The following DLC1 variants were observed in gnomAD, a reference collection of about 807,000 sequenced individuals.
The protein encoded by DLC1 is DLC1 Rho GTPase activating protein, also known as rho GTPase-activating protein 7.
A neutral mutation model predicts 140.3 loss-of-function variants in DLC1; 54 were observed. The observed-to-expected ratio is 0.38, with a 90% confidence interval of 0.31 to 0.48. The LOEUF (loss-of-function observed/expected upper bound fraction) is 0.48, where lower values mean the gene tolerates loss of function less well. DLC1 is among the 20% of genes least tolerant of loss of function. DLC1 has a pLI of 0.96. For synonymous variants in DLC1, 986 were observed against 728.1 expected (o/e 1.35, Z -5.70); for missense variants, 2,536 against 1,907.0 (o/e 1.33, Z -6.14).
intron 7 of DLC1, among the ~76,000 whole-genome samples, chr8:13,109,022 G>A (rs894538606): frequency 7.2e-5 from 11 of 152,152 alleles, no homozygotes; most frequent in Admixed American, 2.0e-4. Context: ...AAGTGACAGC[G>A]TTTCTGTGGT....
upstream of DLC1, among the ~76,000 whole-genome samples, chr8:13,517,955 A>G (rs1210839353): frequency 6.6e-6 from 1 of 152,096 alleles, no homozygotes; most frequent in African/African-American, 2.4e-5. Flanking sequence ...TCTTTCAGGT[A>G]TTTTTAGAAT....
intron 1 of DLC1, among the ~76,000 whole-genome samples, chr8:13,592,654 G>T (rs943976628): frequency 2.0e-5 from 3 of 152,142 alleles, no homozygotes; most frequent in Non-Finnish European, 4.4e-5. Flanking sequence ...GCCTGCCAAG[G>T]TTTCCCCAGT....
At chr8:13,488,638 C>G (rs1801086083) in intron 2 of DLC1, among the ~76,000 whole-genome samples, 1 of 152,172 alleles carries the variant, frequency 6.6e-6, no homozygotes, top group Non-Finnish European at 1.5e-5. Flanking sequence ...CTGACCTCCC[C>G]ATCTGGAAAG....
intron 4 of DLC1, among the ~76,000 whole-genome samples, chr8:13,317,560 TG>T (rs1832907961): frequency 6.6e-6 from 1 of 152,086 alleles, no homozygotes; most frequent in Non-Finnish European, 1.5e-5. Flanking sequence ...AGAGACGAAA[TG>T]GCTATGGTCA....
chr8:13,567,623 T>C, intron 1 of DLC1: 1 of 1,551,734 alleles, frequency 6.4e-7, no homozygotes. Flanking sequence ...GAGCTGGCCC[T>C]GTCTGCCTTT....
In DLC1 at chr8:13,305,272, C is replaced by A; in HGVS notation, c.1345G>T (p.Ala449Ser). 1 of 1,607,170 alleles carries A rather than the reference C, an allele frequency of 6.2e-7. No individual in the cohort carries two copies. Among genetic ancestry groups the A allele is most frequent in the South Asian group, 1.1e-5 (1 of 89,256 alleles). The change falls in exon 5 of 18, where the codon GCT (alanine) becomes TCT (serine). Residue 449 changes from alanine (A) to serine (S), a missense_variant. Physicochemically the swap from Ala to Ser is moderately conservative, Grantham distance 99. Coordinates refer to ENST00000276297, the MANE Select transcript of DLC1 (RefSeq NM_182643.3). ...CAGAACCAAAATGTCAACTTACCAGCCTTTTCCTTCTCTGAAATACCTTGA... is the reference window on the plus strand; with the variant it reads ...CAGAACCAAAATGTCAACTTACCAGACTTTTCCTTCTCTGAAATACCTTGA... ...AIQGISEKEK[A>S]EIEAKEACDW...
At chr8:13,103,803 G>A (rs1465442508) in intron 7 of DLC1, among the ~76,000 whole-genome samples, 3 of 135,878 alleles carry the variant, frequency 2.2e-5, no homozygotes, top group Non-Finnish European at 4.5e-5. Flanking sequence ...TTGTGCCACT[G>A]CACTCCAGCC....
chr8:13,567,016 C>G, intron 1 of DLC1: 1 of 1,550,334 alleles, frequency 6.5e-7, no homozygotes, highest in Non-Finnish European at 8.7e-7. Flanking sequence ...AGAATTGGCC[C>G]AAACGGACAA....
chr8:13,516,317 G>A (rs901570738), upstream of DLC1, among the ~76,000 whole-genome samples: 1 of 152,144 alleles, frequency 6.6e-6, no homozygotes, highest in Non-Finnish European at 1.5e-5. Context: ...TCTTAAACTT[G>A]TTGGCCCTAA....
chr8:13,379,989 C>T (rs1836177544), intron 4 of DLC1, among the ~76,000 whole-genome samples: 1 of 152,144 alleles, frequency 6.6e-6, no homozygotes, highest in Non-Finnish European at 1.5e-5. Flanking sequence ...CCTTCTTAAT[C>T]CCAGAAAGCT....
chr8:13,515,370 A>G (rs932022659), upstream of DLC1: 2 of 152,242 alleles, frequency 1.3e-5, no homozygotes, highest in Admixed American at 1.3e-4. Flanking sequence ...TCCAGTTAAT[A>G]GAACGATTTC....
chr8:13,308,658 G>A (rs1163208289), intron 4 of DLC1, among the ~76,000 whole-genome samples: 1 of 152,100 alleles, frequency 6.6e-6, no homozygotes, highest in Non-Finnish European at 1.5e-5. Flanking sequence ...CTTCTTTGTG[G>A]AATTCACAAT....
chr8:13,308,224 T>C (rs1832535082), intron 4 of DLC1, among the ~76,000 whole-genome samples: 5 of 152,220 alleles, frequency 3.3e-5, no homozygotes, highest in Admixed American at 3.3e-4. Context: ...CCAATGTCCA[T>C]ATTTCATGTA....
intron 2 of DLC1, among the ~76,000 whole-genome samples, chr8:13,498,090 T>C (rs1183949813): frequency 6.6e-6 from 1 of 152,146 alleles, no homozygotes; most frequent in Non-Finnish European, 1.5e-5. Context: ...ATTGCAGTTA[T>C]GGATGAATGT....
intron 4 of DLC1, among the ~76,000 whole-genome samples, chr8:13,350,496 G>A (rs1158081358): frequency 5.3e-5 from 8 of 152,076 alleles, no homozygotes; most frequent in Admixed American, 2.0e-4. Context: ...CAGGTGGATC[G>A]CTTGAGGTCA....
chr8:13,431,610 T>C (rs1276048940), intron 2 of DLC1, among the ~76,000 whole-genome samples: 2 of 150,426 alleles, frequency 1.3e-5, no homozygotes, highest in Non-Finnish European at 1.5e-5. Context: ...CTCAATGCCA[T>C]GGCAAATATG....
intron 5 of DLC1, among the ~76,000 whole-genome samples, chr8:13,189,796 C>T (rs562318880): frequency 5.5e-4 from 84 of 152,078 alleles, no homozygotes; most frequent in African/African-American, 2.0e-3. Flanking sequence ...GCAGGAGAAT[C>T]GCTTGAAACC....
At position 13,085,576 on chromosome 8, in the gene DLC1, ATTTTT is replaced by A; in HGVS notation, c.*230_*234del. The A allele has an allele frequency of 9.5e-6, 3 of 315,704 alleles. No homozygotes were observed. The highest frequency in any genetic ancestry group is 1.1e-5 in the Non-Finnish European group (2 of 182,246). The allele number at this position is 315,704 out of a possible 1,614,324, so 19.6% of individuals were successfully genotyped here. ...GCAATTTGAATAAGAATACACATAA[ATTTTT>A]TTTTTTTTTTTGCACAGTCTTACAT... On this transcript the variant is annotated 3_prime_UTR_variant, in exon 18 of 18. Coordinates refer to ENST00000276297, the MANE Select transcript of DLC1 (RefSeq NM_182643.3).
chr8:13,362,478 T>A (rs1835275668), intron 4 of DLC1, among the ~76,000 whole-genome samples: 1 of 152,154 alleles, frequency 6.6e-6, no homozygotes, highest in Admixed American at 6.5e-5. Context: ...TGCCTGGAAT[T>A]AGAGTGAAAC....
Sources: gnomAD v4.1 joint callset for allele counts (sites outside exome capture counted in the v4.1 genomes callset) on GRCh38, gnomAD v4.1.1 for gene constraint, MANE v1.5 for transcripts, NCBI Gene and HGNC (gene_info 2026-07-23, HGNC 2026-07-21) for gene names.